Variants in PDE1C observed in about 807,000 individuals in gnomAD.
PDE1C encodes the protein phosphodiesterase 1C.
PDE1C carries 62 observed loss-of-function variants against 93.1 expected under a neutral mutation model. The ratio of observed to expected loss-of-function variants is 0.67; its 90% CI spans 0.54 to 0.82. PDE1C has a LOEUF of 0.82. Ranked by LOEUF, PDE1C falls within the 40% of genes least tolerant of loss-of-function variation. The pLI is 0.00. For synonymous variants in PDE1C, 325 were observed against 310.1 expected, an observed-to-expected ratio of 1.05 and a Z score of -0.50; for missense variants, 742 against 884.6, an observed-to-expected ratio of 0.84 and a Z score of 2.04.
the PDE1C span, among the ~76,000 whole-genome samples, chr7:31,695,151 C>CT: frequency 3.7e-5 from 2 of 53,980 alleles, no homozygotes; most frequent in African/African-American, 2.9e-4. Context: ...AACCTATTCT[C>CT]CCATCAGAAA....
At chr7:31,880,323 T>A (rs1013334518) in intron 3 of PDE1C, among the ~76,000 whole-genome samples, 3 of 152,150 alleles carry the variant, frequency 2.0e-5, no homozygotes, top group Non-Finnish European at 1.5e-5. Flanking sequence ...GCTGGGTGCT[T>A]AAGAGAACAC....
chr7:32,020,783 T>C (rs1412790005), intron 2 of PDE1C, among the ~76,000 whole-genome samples: 1 of 152,070 alleles, frequency 6.6e-6, no homozygotes, highest in Non-Finnish European at 1.5e-5. Context: ...GGGGAGCAAA[T>C]CAAAATCTTC....
chr7:32,395,003 T>C (rs925371953), intron 1 of PDE1C, among the ~76,000 whole-genome samples: 4 of 152,038 alleles, frequency 2.6e-5, no homozygotes, highest in African/African-American at 9.7e-5. Flanking sequence ...GCCTGCAGAG[T>C]TGTGAGCCAG....
At chr7:31,712,190 C>T in the PDE1C span, among the ~76,000 whole-genome samples, 2 of 152,174 alleles carry the variant, frequency 1.3e-5, no homozygotes, top group Non-Finnish European at 2.9e-5. Flanking sequence ...TCCATAAACA[C>T]AGGGATATCA....
upstream of PDE1C, among the ~76,000 whole-genome samples, chr7:32,303,816 G>A (rs1455302373): frequency 6.6e-6 from 1 of 152,084 alleles, no homozygotes; most frequent in Non-Finnish European, 1.5e-5. Context: ...ATCTGTGAAA[G>A]TGACTATCCT....
intron 16 of PDE1C, chr7:31,790,060 C>T: frequency 7.1e-7 from 1 of 1,399,688 alleles, no homozygotes; most frequent in Non-Finnish European, 9.3e-7. Context: ...CCCAAAGATT[C>T]ATCCCCTGGA....
chr7:31,632,226 A>C, the PDE1C span, among the ~76,000 whole-genome samples: 1 of 152,196 alleles, frequency 6.6e-6, no homozygotes, highest in Non-Finnish European at 1.5e-5. Context: ...AGGCAGGTGG[A>C]TCATGAGGTC....
chr7:32,167,249 G>A (rs962730349), intron 3 of PDE1C, among the ~76,000 whole-genome samples: 4 of 152,156 alleles, frequency 2.6e-5, no homozygotes, highest in East Asian at 1.9e-4. Flanking sequence ...TTAAACAAGT[G>A]CACACATTTT....
chr7:32,232,449 G>A (rs904487637), intron 1 of PDE1C, among the ~76,000 whole-genome samples: 9 of 152,202 alleles, frequency 5.9e-5, no homozygotes, highest in African/African-American at 2.2e-4. Flanking sequence ...CCAAGATAGT[G>A]GAGTAAACCC....
At chr7:32,013,203 A>G (rs1787397727) in intron 2 of PDE1C, among the ~76,000 whole-genome samples, 5 of 152,224 alleles carry the variant, frequency 3.3e-5, no homozygotes, top group Admixed American at 2.0e-4. Flanking sequence ...TTAATTATCT[A>G]AAATCAAATT....
At chr7:32,186,091 T>G (rs1262882863) in intron 2 of PDE1C, among the ~76,000 whole-genome samples, 7 of 17,766 alleles carry the variant, frequency 3.9e-4, no homozygotes, top group South Asian at 2.4e-3. Flanking sequence ...TTTTTTGTTT[T>G]TTTTTTTTTT....
At chr7:32,132,346 G>A (rs940023814) in intron 3 of PDE1C, among the ~76,000 whole-genome samples, 6 of 152,120 alleles carry the variant, frequency 3.9e-5, no homozygotes, top group Non-Finnish European at 7.4e-5. Flanking sequence ...GCAATACGGT[G>A]GCATGATACA....
intron 2 of PDE1C, among the ~76,000 whole-genome samples, chr7:32,049,797 G>T (rs1226910449): frequency 6.6e-6 from 1 of 151,974 alleles, no homozygotes; most frequent in Admixed American, 6.6e-5. Context: ...TCAAATGCTT[G>T]GTCAGCAAAA....
the PDE1C span, among the ~76,000 whole-genome samples, chr7:31,637,688 C>T: frequency 6.6e-6 from 1 of 152,150 alleles, no homozygotes; most frequent in South Asian, 2.1e-4. Context: ...CTGTAGGTTG[C>T]TTGTTCACTC....
chr7:32,403,848 GGAGGAGT>G (rs1223800073), intron 1 of PDE1C, among the ~76,000 whole-genome samples: 4 of 152,100 alleles, frequency 2.6e-5, no homozygotes, highest in Non-Finnish European at 5.9e-5. Flanking sequence ...GGGTTGGTGG[GGAGGAGT>G]GACAAAATAT....
At chr7:31,688,389 C>T in the PDE1C span, among the ~76,000 whole-genome samples, 1 of 152,194 alleles carries the variant, frequency 6.6e-6, no homozygotes, top group Non-Finnish European at 1.5e-5. Context: ...ATTTAAACCG[C>T]ATATTCTCAC....
intron 2 of PDE1C, among the ~76,000 whole-genome samples, chr7:32,177,216 G>C (rs1252747203): frequency 6.6e-6 from 1 of 152,198 alleles, no homozygotes; most frequent in Non-Finnish European, 1.5e-5. Flanking sequence ...AGTAGATTCT[G>C]AGACAAGGGC....
intron 2 of PDE1C, among the ~76,000 whole-genome samples, chr7:32,175,403 A>C (rs563200808): frequency 2.4e-4 from 36 of 152,310 alleles, no homozygotes; most frequent in Non-Finnish European, 2.6e-4. Flanking sequence ...TCTTAACTCT[A>C]AAATGCTTTA....
intron 1 of PDE1C, among the ~76,000 whole-genome samples, chr7:32,285,791 A>T (rs1301489676): frequency 9.8e-6 from 1 of 101,760 alleles, no homozygotes; most frequent in Admixed American, 1.2e-4. Flanking sequence ...AGGGGAGGGG[A>T]GGGGAAGAGA....
Sources: gnomAD v4.1 joint callset for allele counts (sites outside exome capture counted in the v4.1 genomes callset) on GRCh38, gnomAD v4.1.1 for gene constraint, MANE v1.5 for transcripts, NCBI Gene and HGNC (gene_info 2026-07-23, HGNC 2026-07-21) for gene names.